WDR64: variants seen among roughly 807,000 people sequenced by gnomAD.
WDR64 encodes the protein WD repeat-containing protein 64.
WDR64 carries 112 observed loss-of-function variants against 139.3 expected under a neutral mutation model. The ratio of observed to expected loss-of-function variants is 0.80; its 90% CI spans 0.69 to 0.94. The LOEUF is 0.94. Among genes scored for constraint, WDR64 ranks in the 40% least tolerant of loss-of-function variants. The pLI is 0.00. For missense variants in WDR64, 1,206 were observed against 1,293.1 expected (o/e 0.93, Z 1.03); for synonymous variants, 444 against 437.7 (o/e 1.01, Z -0.18).
intron 13 of WDR64, 110 bp from the exon 14 acceptor site, chr1:241,749,437 G>A: frequency 7.8e-7 from 1 of 1,283,750 alleles, no homozygotes; most frequent in East Asian, 2.3e-5. Context: ...AATAAATATA[G>A]GATAAATTGT....
At chr1:241,714,290 A>AT (rs1414106208) in intron 9 of WDR64, among the ~76,000 whole-genome samples, 1 of 152,180 alleles carries the variant, frequency 6.6e-6, no homozygotes, top group Admixed American at 6.5e-5. Flanking sequence ...AACAATAAAT[A>AT]TTTTTTTAAA....
chr1:241,652,370 G>T lies in WDR64; in HGVS notation c.-115G>T. 9.1e-7 allele frequency: 1 copy of T among 1,096,718 alleles called. No homozygotes were observed. The allele number at this position is 1,096,718 out of a possible 1,614,324, so 67.9% of individuals were successfully genotyped here. A position where few individuals can be genotyped will look rare whatever the true frequency, so the allele number is the denominator to read the frequency against. On this transcript the variant is annotated 5_prime_UTR_variant, in exon 1 of 28. Transcript: ENST00000437684. ...TGGGATTTTAAGATCAAAGGAATTA[G>T]ACCTAGGGCAAAAACTGAGACAGCA...
In WDR64 at chr1:241,773,080, T is replaced by G. The variant is rs1419764225; in HGVS notation, c.2430+149T>G. ...ATTGCTGATCTTGCAGCCTGTTTAT[T>G]GATAACGCTATCCAAACTTTACGAG... On this transcript the variant is annotated intron_variant, in intron 20 of 27. Coordinates refer to ENST00000437684, the MANE Select transcript of WDR64 (RefSeq NM_001367482.1). 4.8e-6 allele frequency: 5 copies of G among 1,041,264 alleles called. No individual in the cohort carries two copies. The Admixed American group carries it at 1.3e-4, about 26-fold the overall frequency. 64.5% of individuals were successfully genotyped at this position (1,041,264 alleles called of 1,614,324 possible). A position where few individuals can be genotyped will look rare whatever the true frequency, so the allele number is the denominator to read the frequency against.
chr1:241,668,156 A>T (rs12564812), intron 2 of WDR64, among the ~76,000 whole-genome samples: 10,009 of 152,268 alleles, frequency 0.066, 453 homozygotes, highest in East Asian at 0.19. Flanking sequence ...ACTTGTCTGA[A>T]TGCTGAAAGG....
At chr1:241,792,491 G>A (rs1053694017) in intron 25 of WDR64, among the ~76,000 whole-genome samples, 13 of 152,138 alleles carry the variant, frequency 8.5e-5, no homozygotes, top group South Asian at 4.1e-4. Flanking sequence ...AGCTGAGATC[G>A]TGCCACTGCA....
Position 241,749,551 on chromosome 1 carries a change from A to G in WDR64, c.1599A>G (p.Thr533=), listed in dbSNP as rs1669899725. Residue 533 remains threonine (T), a synonymous_variant, in exon 14 of 28, where the codon ACA becomes ACG. Transcript: ENST00000437684. ...TCTTTTTCTCTGTATGCTCAGGAAC[A>G]GTCAGAATCTGGGACTTTGGCAGTG... The part of the protein sequence containing the change: ...FLFATGAYNG[T]VRIWDFGSGQ... 1.9e-6 allele frequency: 3 copies of G among 1,613,966 alleles called. No individual in the cohort carries two copies. The highest frequency in any genetic ancestry group is 2.7e-5 in the African/African-American group (2 of 74,930).
intron 8 of WDR64, among the ~76,000 whole-genome samples, chr1:241,705,569 AATAAT>A (rs1558482126): frequency 3.6e-5 from 5 of 140,714 alleles, no homozygotes; most frequent in African/African-American, 1.1e-4. Context: ...AAATAATAAT[AATAAT>A]AATAATAATA....
intron 8 of WDR64, among the ~76,000 whole-genome samples, chr1:241,700,972 C>A (rs925583357): frequency 6.6e-6 from 1 of 152,172 alleles, no homozygotes; most frequent in African/African-American, 2.4e-5. Context: ...CTCATATTTT[C>A]CTCTGGGAAC....
chr1:241,712,394 TAAC>T (rs1341883596), intron 9 of WDR64, among the ~76,000 whole-genome samples: 1 of 151,902 alleles, frequency 6.6e-6, no homozygotes, highest in African/African-American at 2.4e-5. Flanking sequence ...AGGTAGAAAA[TAAC>T]AAAAAAGGTT....
At chr1:241,730,387 G>A (rs1669031150) in intron 10 of WDR64, among the ~76,000 whole-genome samples, 1 of 152,176 alleles carries the variant, frequency 6.6e-6, no homozygotes, top group African/African-American at 2.4e-5. Flanking sequence ...ATTTGCTTAA[G>A]ATGAGGCAGG....
In WDR64 at chr1:241,711,847, C is replaced by T; in HGVS notation, c.1020C>T (p.Cys340=). 1 of 1,614,132 alleles carries T rather than the reference C, an allele frequency of 6.2e-7. No individual in the cohort carries two copies. ...FSMPRGANTF[C]YCVKANVIVT... ...TGCCAAGAGGAGCCAACACTTTTTG[C>T]TACTGTGTTAAGGCAAATGTGATTG... The change falls in exon 9 of 28, where the codon TGC becomes TGT. Residue 340 remains cysteine, a synonymous_variant. Transcript: ENST00000437684.
At chr1:241,704,763 G>C (rs1244423394) in intron 8 of WDR64, among the ~76,000 whole-genome samples, 4 of 152,142 alleles carry the variant, frequency 2.6e-5, no homozygotes, top group African/African-American at 9.7e-5. Context: ...TCAGTTAATA[G>C]GGTATTAAAT....
Position 241,673,192 on chromosome 1 carries a change from TG to T in WDR64, c.380-1446del, listed in dbSNP as rs1021536056. 1.7e-4 allele frequency among the ~76,000 whole-genome samples: 17 copies of T among 102,084 alleles called. 1 individual carries two copies. The Middle Eastern group carries it at 0.022, about 131-fold the overall frequency. 67.0% of individuals were successfully genotyped at this position (102,084 alleles called of 152,430 possible). ...TCACACACCAGGGACTGTTGTGGGG[TG>T]GGGGGAGGGATAGCATTAGGAGATA... On this transcript the variant is annotated intron_variant, in intron 3 of 27. Coordinates refer to ENST00000437684, the MANE Select transcript of WDR64 (RefSeq NM_001367482.1).
At chr1:241,738,285 T>TA in intron 10 of WDR64, 78 bp from the exon 11 acceptor site, 1 of 1,524,298 alleles carries the variant, frequency 6.6e-7, no homozygotes. Context: ...TATTTCAAAC[T>TA]GAAAATGCTT....
At chr1:241,753,293 T>G (rs188955650) in intron 14 of WDR64, among the ~76,000 whole-genome samples, 1 of 152,342 alleles carries the variant, frequency 6.6e-6, no homozygotes, top group East Asian at 1.9e-4. Context: ...CTTTTCAACA[T>G]AGAAAGAGTC....
chr1:241,698,560 T>A (rs1454361732), intron 8 of WDR64, among the ~76,000 whole-genome samples: 7 of 152,084 alleles, frequency 4.6e-5, no homozygotes, highest in African/African-American at 1.7e-4. Context: ...CCTCACCTCA[T>A]CCCCTTCAGT....
At chr1:241,783,849 A>G (rs1658939354) in intron 23 of WDR64, among the ~76,000 whole-genome samples, 1 of 152,228 alleles carries the variant, frequency 6.6e-6, no homozygotes, top group Admixed American at 6.5e-5. Context: ...AATGCTAAGT[A>G]CCTATACACA....
At chr1:241,749,406 G>C (rs1416440421) in intron 13 of WDR64, 141 bp from the exon 14 acceptor site, 18 of 893,706 alleles carry the variant, frequency 2.0e-5, no homozygotes, top group Non-Finnish European at 3.1e-5. Flanking sequence ...AGCCTGGGAA[G>C]ACTCACCCAT....
chr1:241,674,778 A>C, intron 4 of WDR64, 31 bp downstream of exon 4: 1 of 1,324,848 alleles, frequency 7.5e-7, no homozygotes, highest in Non-Finnish European at 1.1e-6. Flanking sequence ...TAACTGAATG[A>C]CTCATTTTAC....
Sources: allele counts gnomAD v4.1 joint callset (sites outside exome capture counted in the v4.1 genomes callset), GRCh38; gene constraint gnomAD v4.1.1; transcripts MANE v1.5; gene names NCBI Gene and HGNC (gene_info 2026-07-23, HGNC 2026-07-21).